Variants in SFMBT2 observed in about 807,000 individuals in gnomAD.
SFMBT2 encodes scm-like with four MBT domains protein 2.
SFMBT2 carries 38 observed loss-of-function variants against 110.1 expected under a neutral mutation model. That is an observed-to-expected ratio of 0.35 (90% CI 0.27 to 0.45). SFMBT2 has a LOEUF of 0.45. SFMBT2 is among the 20% of genes least tolerant of loss of function. The pLI is 1.00. For missense variants in SFMBT2, 1,011 were observed against 1,094.9 expected (o/e 0.92, Z 1.08); for synonymous variants, 425 against 425.4 (o/e 1.00, Z 0.01).
At chr10:7,320,550 A>C (rs1843155557) in intron 4 of SFMBT2, 1 of 966,156 alleles carries the variant, frequency 1.0e-6, no homozygotes, top group Non-Finnish European at 1.2e-6. Context: ...TCACTATAGG[A>C]AGTAAGATCA....
At chr10:7,388,277 T>A (rs1454280040) in intron 1 of SFMBT2, among the ~76,000 whole-genome samples, 1 of 151,170 alleles carries the variant, frequency 6.6e-6, no homozygotes, top group Admixed American at 6.6e-5. Context: ...TAGATGGTGA[T>A]AAGTGCTATA....
At chr10:7,279,872 C>G (rs940403901) in intron 6 of SFMBT2, among the ~76,000 whole-genome samples, 1 of 152,216 alleles carries the variant, frequency 6.6e-6, no homozygotes, top group African/African-American at 2.4e-5. Context: ...TGTCCTTCTG[C>G]TCCTCCAGGT....
At chr10:7,237,966 G>A (rs1347654965) in intron 9 of SFMBT2, among the ~76,000 whole-genome samples, 1 of 152,160 alleles carries the variant, frequency 6.6e-6, no homozygotes, top group African/African-American at 2.4e-5. Flanking sequence ...CCACGTCAGG[G>A]AGATGAGAGT....
chr10:7,206,263 A>T, intron 11 of SFMBT2: 1 of 985,410 alleles, frequency 1.0e-6, no homozygotes, highest in Non-Finnish European at 1.2e-6. Context: ...TGGCTGAAAG[A>T]GAGAACAAGC....
At chr10:7,228,721 TTCTTTCTTTCTTTCCTTTCTCTC>T (rs1564395207) in intron 9 of SFMBT2, among the ~76,000 whole-genome samples, 84 of 124,330 alleles carry the variant, frequency 6.8e-4, no homozygotes, top group African/African-American at 2.6e-3. Context: ...CTTTCTTTCT[TTCTTTCTTTCTTTCCTTTCTCTC>T]TCTCTCTCTC....
At chr10:7,315,038 G>GAGAAAGAAAGAAACAA (rs1554802843) in intron 4 of SFMBT2, among the ~76,000 whole-genome samples, 3 of 82,252 alleles carry the variant, frequency 3.6e-5, no homozygotes, top group African/African-American at 1.5e-4. Context: ...AAGAAAGAAA[G>GAGAAAGAAAGAAACAA]AGAAAGAAAG....
intron 1 of SFMBT2, among the ~76,000 whole-genome samples, chr10:7,404,500 A>G (rs567552519): frequency 2.0e-5 from 3 of 152,194 alleles, no homozygotes; most frequent in Non-Finnish European, 2.9e-5. Flanking sequence ...CCCATGTCCC[A>G]CACCTCCATA....
At chr10:7,179,990 G>A (rs1414618634) in intron 16 of SFMBT2, among the ~76,000 whole-genome samples, 1 of 152,220 alleles carries the variant, frequency 6.6e-6, no homozygotes, top group South Asian at 2.1e-4. Flanking sequence ...AGGGGTAGAG[G>A]GGACTGAGTA....
chr10:7,354,092 A>G (rs545260156), intron 4 of SFMBT2, among the ~76,000 whole-genome samples: 1 of 151,304 alleles, frequency 6.6e-6, no homozygotes, highest in Non-Finnish European at 1.5e-5. Context: ...CTCTCCAAAA[A>G]AAAAAAAATA....
chr10:7,369,332 T>A (rs537560040), intron 3 of SFMBT2, among the ~76,000 whole-genome samples: 1 of 152,204 alleles, frequency 6.6e-6, no homozygotes, highest in Admixed American at 6.5e-5. Flanking sequence ...TAAATCTCCA[T>A]TTCTATTTCT....
intron 4 of SFMBT2, among the ~76,000 whole-genome samples, chr10:7,306,250 G>T (rs1275765132): frequency 2.0e-5 from 3 of 152,212 alleles, no homozygotes. Flanking sequence ...TGGCTTTCAG[G>T]CCAAACTCCA....
At chr10:7,179,183 T>C (rs916116378) in intron 16 of SFMBT2, among the ~76,000 whole-genome samples, 1 of 151,936 alleles carries the variant, frequency 6.6e-6, no homozygotes, top group African/African-American at 2.4e-5. Flanking sequence ...CTCTGATGGG[T>C]CGAGCTTGAC....
Position 7,408,322 on chromosome 10 carries a change from G to T in SFMBT2, c.-52+2539C>A, listed in dbSNP as rs1041895733. On this transcript the variant is annotated intron_variant, in intron 1 of 20. Coordinates refer to ENST00000397167, the MANE Select transcript of SFMBT2 (RefSeq NM_001387889.1). The surrounding 1 kb of genome is among the most constrained non-coding windows in gnomAD (Gnocchi z 5.7). ...TCAGCCTCGCTGCCCAGGTGGGAGG[G>T]GTCACCTGCCGCGGGGTCTCCAAGC... Among the ~76,000 whole-genome samples the T allele has an allele frequency of 5.9e-5, 9 of 151,868 alleles. No individual in the cohort carries two copies. The highest frequency in any genetic ancestry group is 2.2e-4 in the African/African-American group (9 of 41,320).
At chr10:7,307,974 C>T (rs936976539) in intron 4 of SFMBT2, among the ~76,000 whole-genome samples, 12 of 152,154 alleles carry the variant, frequency 7.9e-5, no homozygotes, top group Admixed American at 3.9e-4. Flanking sequence ...GAAAATAAGA[C>T]AGCTTATTAA....
At chr10:7,254,035 G>C (rs144320806) in intron 7 of SFMBT2, among the ~76,000 whole-genome samples, 2 of 152,146 alleles carry the variant, frequency 1.3e-5, no homozygotes, top group East Asian at 1.9e-4. Flanking sequence ...TTTCTGACGG[G>C]GTTTGCCACT....
intron 11 of SFMBT2, chr10:7,206,875 T>C (rs1588337807): frequency 1.0e-6 from 1 of 985,264 alleles, no homozygotes; most frequent in Non-Finnish European, 1.2e-6. Flanking sequence ...CGGTGACCCA[T>C]GGACTCTGAC....
intron 7 of SFMBT2, among the ~76,000 whole-genome samples, chr10:7,254,122 G>A (rs1840913028): frequency 6.6e-6 from 1 of 152,178 alleles, no homozygotes; most frequent in Non-Finnish European, 1.5e-5. Context: ...TCCAGTAAAT[G>A]CCAAACTCCC....
chr10:7,255,714 C>T (rs1039921332), intron 7 of SFMBT2, among the ~76,000 whole-genome samples: 1 of 152,190 alleles, frequency 6.6e-6, no homozygotes, highest in Non-Finnish European at 1.5e-5. Flanking sequence ...GTTTCATCAG[C>T]TTTATTCCCT....
In SFMBT2 at chr10:7,205,816, G is replaced by T; in HGVS notation, c.1443C>A (p.Val481=). 6.2e-7 allele frequency: 1 copy of T among 1,613,718 alleles called. No individual in the cohort carries two copies. Among genetic ancestry groups the T allele is most frequent in the South Asian group, 1.1e-5 (1 of 91,018 alleles). Residue 481 remains valine, a splice_region_variant and synonymous_variant, in exon 12 of 21, where the codon GTC becomes GTA. Coordinates refer to ENST00000397167, the MANE Select transcript of SFMBT2 (RefSeq NM_001387889.1). ...SYPLTAPHKT[V]SQKKRKIAVV... ...CCCCCTCAACTGGGAACCACTTACA[G>T]ACTGTTTTGTGTGGTGCAGTCAAAG...
Sources: gnomAD v4.1 joint callset for allele counts (sites outside exome capture counted in the v4.1 genomes callset) on GRCh38, gnomAD v4.1.1 for gene constraint, Gnocchi (gnomAD v3.1) non-coding constraint, MANE v1.5 for transcripts, NCBI Gene and HGNC (gene_info 2026-07-23, HGNC 2026-07-21) for gene names.